SRP68: variants seen among roughly 807,000 people sequenced by gnomAD.
SRP68 encodes signal recognition particle 68.
In SRP68, 15 loss-of-function variants were observed where a neutral mutation model predicts 82.2. The observed-to-expected ratio is 0.18, with a 90% CI of 0.12 to 0.28. The LOEUF (loss-of-function observed/expected upper bound fraction) is 0.28. SRP68 is among the 10% of genes least tolerant of loss of function. SRP68 has a pLI of 1.00. For missense variants in SRP68, 595 were observed against 780.5 expected, an observed-to-expected ratio of 0.76 and a Z score of 2.83; for synonymous variants, 261 against 292.6, an observed-to-expected ratio of 0.89 and a Z score of 1.10.
chr17:76,051,718 C>G (rs1417505735), intron 8 of SRP68, among the ~76,000 whole-genome samples: 4 of 152,048 alleles, frequency 2.6e-5, no homozygotes, highest in Non-Finnish European at 5.9e-5. Flanking sequence ...TCCTGTTGTT[C>G]ACTAACTTGG....
chr17:76,039,832 G>C lies in SRP68; in HGVS notation c.1758C>G (p.Cys586Trp). 1.2e-6 allele frequency: 2 copies of C among 1,614,252 alleles called. No homozygotes were observed. The highest frequency in any genetic ancestry group is 1.7e-6 in the Non-Finnish European group (2 of 1,180,054). ...GGGCCAGGTCAAAGAACAAAGGCTTGCAGGGAATGGGCTGGAAGCCTGGTG... is the reference window on the plus strand; with the variant it reads ...GGGCCAGGTCAAAGAACAAAGGCTTCCAGGGAATGGGCTGGAAGCCTGGTG... ...HFPPGFQPIP[C>W]KPLFFDLALN... Residue 586 changes from cysteine to tryptophan, a missense_variant, in exon 16 of 16, where the codon TGC (cysteine) becomes TGG (tryptophan). Cys to Trp is a radical substitution (Grantham distance 215). Around this residue, in one of 2 missense-constraint regions of SRP68, gnomAD observed 495 missense variants for 688.6 expected, o/e 0.72. Transcript: ENST00000307877.
chr17:76,062,963 G>C (rs1448779374), intron 4 of SRP68, among the ~76,000 whole-genome samples: 1 of 149,876 alleles, frequency 6.7e-6, no homozygotes, highest in Non-Finnish European at 1.5e-5. Context: ...GTAGAGATGG[G>C]GTTTCACCGT....
Position 76,057,477 on chromosome 17 carries a change from T to C in SRP68, c.904A>G (p.Thr302Ala). The change falls in exon 8 of 16, where the codon ACG (threonine) becomes GCG (alanine). Residue 302 changes from threonine to alanine, a missense_variant. Thr to Ala is a moderately conservative substitution (Grantham distance 58). This residue lies in a region of SRP68 where 495 missense variants were observed against 688.6 expected (regional missense o/e 0.72). Coordinates refer to ENST00000307877, the MANE Select transcript of SRP68 (RefSeq NM_014230.4). The stretch of plus-strand genomic sequence containing the variant: ...ACTTTGTCAATCTTCACTGGAACCG[T>C]TCTCCCTCTCCACTCCACTTCACTC... ...TMSEVEWRGR[T>A]VPVKIDKVRI... 6.2e-7 allele frequency: 1 copy of C among 1,614,034 alleles called. No individual in the cohort carries two copies. Among genetic ancestry groups the C allele is most frequent in the Non-Finnish European group, 8.5e-7 (1 of 1,179,958 alleles).
chr17:76,063,137 T>C (rs1344599502), intron 4 of SRP68, among the ~76,000 whole-genome samples: 1 of 152,100 alleles, frequency 6.6e-6, no homozygotes, highest in East Asian at 1.9e-4. Flanking sequence ...CAATAAAATG[T>C]GATACATAGG....
intron 6 of SRP68, 24 bp from the exon 7 acceptor site, chr17:76,060,414 CT>C (rs1277732681): frequency 6.4e-7 from 1 of 1,573,954 alleles, no homozygotes; most frequent in Admixed American, 1.7e-5. Flanking sequence ...ACAGGAAAAT[CT>C]TCAAGGGTCT....
chr17:76,061,897 G>C (rs1422439902), intron 4 of SRP68, among the ~76,000 whole-genome samples: 2 of 152,118 alleles, frequency 1.3e-5, no homozygotes, highest in Non-Finnish European at 2.9e-5. Context: ...CTAGCAATTT[G>C]GGAGGCCGAG....
intron 6 of SRP68, chr17:76,060,862 A>G: frequency 2.2e-6 from 1 of 461,884 alleles, no homozygotes; most frequent in Non-Finnish European, 3.8e-6. Context: ...ACTCAGCCGG[A>G]GACTCAAGAC....
chr17:76,043,993 A>G (rs769543298), intron 12 of SRP68, 35 bp from the exon 13 acceptor site: 1 of 1,580,274 alleles, frequency 6.3e-7, no homozygotes, highest in South Asian at 1.2e-5. Flanking sequence ...AATATTCTAA[A>G]GCAGCAATTA....
chr17:76,044,333 T>C (rs1304798952), intron 12 of SRP68, among the ~76,000 whole-genome samples: 1 of 152,230 alleles, frequency 6.6e-6, no homozygotes, highest in Admixed American at 6.5e-5. Context: ...CATTCATCTC[T>C]GCTCATCGCT....
At chr17:76,040,782 A>G in intron 14 of SRP68, 121 bp downstream of exon 14, 1 of 957,712 alleles carries the variant, frequency 1.0e-6, no homozygotes, top group Admixed American at 2.0e-5. Flanking sequence ...AAGGCCAGGA[A>G]CATCTTACAG....
At chr17:76,060,958 T>A (rs1429774580) in intron 6 of SRP68, 152 bp downstream of exon 6, 1 of 655,558 alleles carries the variant, frequency 1.5e-6, no homozygotes, top group Non-Finnish European at 2.7e-6. Context: ...GCTTCAACAG[T>A]TCTGCTTTTG....
chr17:76,050,239 T>C (rs901009956), intron 9 of SRP68, among the ~76,000 whole-genome samples, 189 bp downstream of exon 9: 1 of 151,788 alleles, frequency 6.6e-6, no homozygotes, highest in Non-Finnish European at 1.5e-5. Context: ...GAGGGAGAAA[T>C]TAATTTCTCA....
At chr17:76,046,474 A>AC (rs199643372) in intron 10 of SRP68, among the ~76,000 whole-genome samples, 1,764 of 114,202 alleles carry the variant, frequency 0.015, 33 homozygotes, top group African/African-American at 0.078. Context: ...GGAAAAAAAA[A>AC]AAAAAAAAAA....
chr17:76,056,826 C>T (rs922443634), intron 8 of SRP68, among the ~76,000 whole-genome samples: 8 of 152,260 alleles, frequency 5.3e-5, no homozygotes, highest in Non-Finnish European at 1.2e-4. Flanking sequence ...AAAAGTGCCC[C>T]CATCACTGTC....
chr17:76,046,033 G>A lies in SRP68; in HGVS notation c.1299+5C>T, dbSNP rs1297511626. The stretch of plus-strand genomic sequence containing the variant: ...GCCCTTGCCTTCCCGGTCCTCAAGG[G>A]TCACCTGTAAGATGATGTCATAGAG... On this transcript the variant is annotated splice_donor_5th_base_variant and intron_variant, in intron 11 of 15. Transcript: ENST00000307877. 6.2e-7 allele frequency: 1 copy of A among 1,613,650 alleles called. No individual in the cohort carries two copies. The highest frequency in any genetic ancestry group is 1.3e-5 in the African/African-American group (1 of 74,912).
intron 8 of SRP68, 131 bp downstream of exon 8, chr17:76,057,272 T>A: frequency 9.2e-7 from 1 of 1,090,084 alleles, no homozygotes; most frequent in South Asian, 1.5e-5. Context: ...ATCTCCGTAC[T>A]TACCAAATCC....
At chr17:76,068,904 G>C (rs1185567808) in intron 2 of SRP68, among the ~76,000 whole-genome samples, 1 of 151,692 alleles carries the variant, frequency 6.6e-6, no homozygotes, top group African/African-American at 2.4e-5. Context: ...TTCCAGCTAG[G>C]ATTTCATTTT....
intron 8 of SRP68, chr17:76,053,613 T>C (rs1285942976): frequency 1.0e-6 from 1 of 985,286 alleles, no homozygotes; most frequent in East Asian, 1.1e-4. Context: ...AAGTTCCCAC[T>C]GGGAATTTTA....
At chr17:76,060,600 C>A in intron 6 of SRP68, 1 of 508,250 alleles carries the variant, frequency 2.0e-6, no homozygotes, top group Non-Finnish European at 3.5e-6. Context: ...ATGGTAAATA[C>A]ACATCATGAA....
Sources: gnomAD v4.1 joint callset for allele counts (sites outside exome capture counted in the v4.1 genomes callset) on GRCh38, gnomAD v4.1.1 for gene constraint, gnomAD v4.1.1 regional missense constraint, MANE v1.5 for transcripts, NCBI Gene and HGNC (gene_info 2026-07-23, HGNC 2026-07-21) for gene names.